Variants in SLC30A7 observed in about 807,000 individuals in gnomAD.
SLC30A7 encodes solute carrier family 30 member 7.
SLC30A7 carries 35 observed loss-of-function variants against 46.0 expected under a neutral mutation model. The ratio of observed to expected loss-of-function variants is 0.76; its 90% CI spans 0.58 to 1.01. The LOEUF (loss-of-function observed/expected upper bound fraction) is 1.01. SLC30A7 is among the 50% of genes least tolerant of loss of function. SLC30A7 has a pLI of 0.00. For missense variants in SLC30A7, 464 were observed against 451.1 expected (o/e 1.03, Z -0.26); for synonymous variants, 147 against 157.8 (o/e 0.93, Z 0.51).
intron 8 of SLC30A7, among the ~76,000 whole-genome samples, chr1:100,952,001 C>CT (rs1338122622): frequency 6.6e-6 from 1 of 152,154 alleles, no homozygotes; most frequent in African/African-American, 2.4e-5. Flanking sequence ...AAAGACAAAT[C>CT]TGAAGAGGCT....
At chr1:100,934,651 T>G (rs1557992514) in intron 8 of SLC30A7, among the ~76,000 whole-genome samples, 3 of 150,658 alleles carry the variant, frequency 2.0e-5, no homozygotes, top group Admixed American at 6.6e-5. Context: ...ATAGATTATC[T>G]GTATCTATAT....
rs569185768 is a variant in SLC30A7, at chr1:100,933,813, T to C, written c.842+11972T>C. Among the ~76,000 whole-genome samples, 41 of 152,360 alleles carry C rather than the reference T, an allele frequency of 2.7e-4. No homozygotes were observed. The East Asian group carries it at 7.5e-3, about 28-fold the overall frequency. On this transcript the variant is annotated intron_variant, in intron 8 of 10. Coordinates refer to ENST00000357650, the MANE Select transcript of SLC30A7 (RefSeq NM_133496.5). ...TACCACATTTTCTTAATCCAGTCTA[T>C]CATTGTTGGACCTTTGGGTTGGTTC...
chr1:100,948,408 T>A (rs562215845), intron 8 of SLC30A7, among the ~76,000 whole-genome samples: 29 of 152,252 alleles, frequency 1.9e-4, no homozygotes, highest in Admixed American at 1.8e-3. Context: ...TGCTGAGAGA[T>A]CCACTGTTTG....
the SLC30A7 span, chr1:100,990,282 A>G: frequency 2.4e-6 from 2 of 835,068 alleles, no homozygotes; most frequent in Non-Finnish European, 1.9e-6. Flanking sequence ...TGATTCAATT[A>G]CCTACCACAA....
intron 8 of SLC30A7, among the ~76,000 whole-genome samples, chr1:100,953,880 T>C (rs1278756426): frequency 1.3e-5 from 2 of 152,250 alleles, no homozygotes; most frequent in African/African-American, 4.8e-5. Context: ...TTGAGAATGC[T>C]GATTGTTCCT....
intron 9 of SLC30A7, 144 bp from the exon 10 acceptor site, chr1:100,965,625 T>C (rs1368805128): frequency 3.0e-6 from 2 of 675,504 alleles, no homozygotes; most frequent in African/African-American, 1.8e-5. Flanking sequence ...AGAGTATTTA[T>C]TTATTTATTT....
chr1:100,922,090 A>G (rs1557985477), intron 8 of SLC30A7, among the ~76,000 whole-genome samples: 1 of 151,088 alleles, frequency 6.6e-6, no homozygotes, highest in African/African-American at 2.4e-5. Context: ...AGTAGCTGGG[A>G]TTACAGACAA....
At chr1:100,948,923 G>T (rs540514792) in intron 8 of SLC30A7, among the ~76,000 whole-genome samples, 2 of 152,068 alleles carry the variant, frequency 1.3e-5, no homozygotes, top group African/African-American at 4.8e-5. Flanking sequence ...TGTTTAGTTA[G>T]TCATTCATCT....
At position 100,899,008 on chromosome 1, in the gene SLC30A7, G is replaced by T. The variant is rs78709330; in HGVS notation, c.182+2337G>T. On this transcript the variant is annotated intron_variant, in intron 2 of 10. Transcript: ENST00000357650. ...ATCTAATTTTAACAAATGTTAAATT[G>T]TTCTGGTTCTTTTTCAGAGCCTTCA... Among the ~76,000 whole-genome samples, 1,429 of 152,242 alleles carry T rather than the reference G, an allele frequency of 9.4e-3. 18 individuals are homozygous for T. The highest frequency in any genetic ancestry group is 0.033 in the African/African-American group (1,370 of 41,554).
chr1:100,944,434 A>AT (rs1474656221), intron 8 of SLC30A7, among the ~76,000 whole-genome samples: 1 of 152,142 alleles, frequency 6.6e-6, no homozygotes, highest in Non-Finnish European at 1.5e-5. Context: ...GCATATTGAG[A>AT]TTTTTTAACT....
chr1:100,934,590 C>T (rs1436655225), intron 8 of SLC30A7, among the ~76,000 whole-genome samples: 9 of 151,476 alleles, frequency 5.9e-5, no homozygotes, highest in Non-Finnish European at 4.4e-5. Context: ...ACTATTTAAA[C>T]TATCTCTTTG....
At chr1:100,944,596 G>C (rs1057269580) in intron 8 of SLC30A7, among the ~76,000 whole-genome samples, 1 of 151,598 alleles carries the variant, frequency 6.6e-6, no homozygotes, top group Non-Finnish European at 1.5e-5. Context: ...ATGTTGGTTT[G>C]CTGCACCCAT....
intron 8 of SLC30A7, among the ~76,000 whole-genome samples, chr1:100,949,162 A>G (rs1368895624): frequency 6.6e-6 from 1 of 152,222 alleles, no homozygotes; most frequent in South Asian, 2.1e-4. Flanking sequence ...TTGTGGTTTT[A>G]TCTACCTTTG....
At chr1:100,982,447 A>G (rs1457048067), downstream of SLC30A7, among the ~76,000 whole-genome samples, 1 of 152,206 alleles carries the variant, frequency 6.6e-6, no homozygotes, top group Non-Finnish European at 1.5e-5. Context: ...CAGCATATCA[A>G]ATTCAAAATT....
chr1:100,908,224 C>T (rs2101011834), intron 3 of SLC30A7, among the ~76,000 whole-genome samples: 2 of 151,610 alleles, frequency 1.3e-5, no homozygotes, highest in South Asian at 4.2e-4. Flanking sequence ...AACTGCTCCC[C>T]CTTTCTCCCT....
chr1:100,917,273 T>C (rs1401695173), intron 6 of SLC30A7, among the ~76,000 whole-genome samples: 1 of 152,204 alleles, frequency 6.6e-6, no homozygotes, highest in Non-Finnish European at 1.5e-5. Context: ...CAGTACAATA[T>C]CTAGATAGGA....
intron 8 of SLC30A7, among the ~76,000 whole-genome samples, chr1:100,937,198 T>A (rs1347146001): frequency 3.9e-5 from 6 of 152,198 alleles, no homozygotes; most frequent in Non-Finnish European, 1.5e-5. Flanking sequence ...TATGTACCCA[T>A]GTAAGAAACT....
chr1:100,990,560 T>C, the SLC30A7 span: 12 of 1,614,126 alleles, frequency 7.4e-6, no homozygotes, highest in Non-Finnish European at 1.0e-5. Flanking sequence ...TGCCTTAAAG[T>C]GCCTGCTGCA....
rs1416154774 is a variant in SLC30A7 at position 100,936,780 on chromosome 1, C to T, written c.842+14939C>T. ...CCTGCACCTCAGCCCCTAGCAACCA[C>T]TATTTTTTCTGTCTCTATGAAGTTG... On this transcript the variant is annotated intron_variant, in intron 8 of 10. Coordinates refer to ENST00000357650, the MANE Select transcript of SLC30A7 (RefSeq NM_133496.5). Among the ~76,000 whole-genome samples, 6 of 152,280 alleles carry T rather than the reference C, an allele frequency of 3.9e-5. No homozygotes were observed. The East Asian group carries it at 1.2e-3, about 29-fold the overall frequency.
Sources: allele counts gnomAD v4.1 joint callset (sites outside exome capture counted in the v4.1 genomes callset), GRCh38; gene constraint gnomAD v4.1.1; transcripts MANE v1.5; gene names NCBI Gene and HGNC (gene_info 2026-07-23, HGNC 2026-07-21).